The following DLGAP1 variants were observed in gnomAD, a reference collection of about 807,000 sequenced individuals.
The protein encoded by DLGAP1 is disks large-associated protein 1.
DLGAP1 carries 11 observed loss-of-function variants against 90.8 expected under a neutral mutation model. The ratio of observed to expected loss-of-function variants is 0.12; its 90% CI spans 0.08 to 0.20. The LOEUF is 0.20. Among genes scored for constraint, DLGAP1 ranks in the 10% least tolerant of loss-of-function variants. The pLI is 1.00. For missense variants in DLGAP1, 1,050 were observed against 1,333.8 expected (o/e 0.79, Z 3.31); for synonymous variants, 558 against 540.7 (o/e 1.03, Z -0.44).
At chr18:4,319,607 T>C (rs958674009) in intron 1 of DLGAP1, among the ~76,000 whole-genome samples, 2 of 152,116 alleles carry the variant, frequency 1.3e-5, no homozygotes, top group Non-Finnish European at 2.9e-5. Flanking sequence ...TTCATAAAAA[T>C]TGACAAGAAC....
In DLGAP1 at chr18:4,383,834, T is replaced by C. The variant is rs980895080; in HGVS notation, c.-267+71172A>G. Among the ~76,000 whole-genome samples, 3 of 152,136 alleles carry C rather than the reference T, an allele frequency of 2.0e-5. No homozygotes were observed. The highest frequency in any genetic ancestry group is 7.2e-5 in the African/African-American group (3 of 41,440). On this transcript the variant is annotated intron_variant, in intron 1 of 12. Transcript: ENST00000315677. This position sits in a 1 kb window ranked among gnomAD's most constrained non-coding sequence, Gnocchi z 4.0. ...CTACTGGCACATCTAATCCACAAGTTTGAGGATGAGATTAAGTGCAACCAT... is the reference window on the plus strand; with the variant it reads ...CTACTGGCACATCTAATCCACAAGTCTGAGGATGAGATTAAGTGCAACCAT...
At chr18:3,979,906 C>A (rs2073688372) in intron 3 of DLGAP1, among the ~76,000 whole-genome samples, 1 of 152,112 alleles carries the variant, frequency 6.6e-6, no homozygotes, top group Non-Finnish European at 1.5e-5. Context: ...GAAGCCGAGG[C>A]AGGTGGATCA....
intron 7 of DLGAP1, among the ~76,000 whole-genome samples, chr18:3,638,928 C>T (rs760822359): frequency 7.9e-5 from 12 of 152,156 alleles, no homozygotes; most frequent in Non-Finnish European, 1.2e-4. Flanking sequence ...AGGTTGCAAT[C>T]GTTGTATAAA....
chr18:3,597,527 G>A (rs12455524), intron 7 of DLGAP1: 27,960 of 310,440 alleles, frequency 0.09, 1,513 homozygotes, highest in East Asian at 0.15. Context: ...ATGAGAGTCC[G>A]GTCAGGCTGA....
intron 2 of DLGAP1, among the ~76,000 whole-genome samples, chr18:4,123,174 C>T (rs767291089): frequency 6.6e-6 from 1 of 152,070 alleles, no homozygotes; most frequent in Non-Finnish European, 1.5e-5. Context: ...GAGGGAAGCA[C>T]CAGCCTATGT....
At chr18:3,874,096 T>C in intron 4 of DLGAP1, 1 of 1,545,790 alleles carries the variant, frequency 6.5e-7, no homozygotes, top group East Asian at 2.4e-5. Flanking sequence ...ACAAAAACCA[T>C]CCAAATCAAC....
intron 1 of DLGAP1, among the ~76,000 whole-genome samples, chr18:4,237,922 A>G (rs2078453970): frequency 6.6e-6 from 1 of 152,226 alleles, no homozygotes; most frequent in Non-Finnish European, 1.5e-5. Context: ...CAAGTGAAAC[A>G]TTCCGTTAAA....
intron 1 of DLGAP1, among the ~76,000 whole-genome samples, chr18:4,212,405 C>T (rs540066911): frequency 3.3e-5 from 5 of 152,000 alleles, no homozygotes; most frequent in East Asian, 1.9e-4. Flanking sequence ...CTGGCTCACA[C>T]CTGTAATCTC....
At chr18:3,564,991 G>C (rs1460580088) in intron 9 of DLGAP1, among the ~76,000 whole-genome samples, 2 of 152,042 alleles carry the variant, frequency 1.3e-5, no homozygotes. Context: ...TTACATATAA[G>C]GAAACTAAGG....
intron 1 of DLGAP1, among the ~76,000 whole-genome samples, chr18:4,358,253 A>C (rs2081564030): frequency 6.6e-6 from 1 of 152,250 alleles, no homozygotes. Flanking sequence ...AGTTCAGTGA[A>C]TCTAATAAAA....
chr18:3,683,190 T>C (rs1407794482), intron 7 of DLGAP1, among the ~76,000 whole-genome samples: 1 of 152,006 alleles, frequency 6.6e-6, no homozygotes, highest in Non-Finnish European at 1.5e-5. Flanking sequence ...ATCCATTGAG[T>C]GGTATGTTTC....
intron 1 of DLGAP1, among the ~76,000 whole-genome samples, chr18:4,181,493 G>T (rs1397401277): frequency 6.6e-6 from 1 of 152,122 alleles, no homozygotes; most frequent in East Asian, 1.9e-4. Context: ...ACCCGTGATA[G>T]GAGTCAATAC....
intron 2 of DLGAP1, among the ~76,000 whole-genome samples, chr18:4,108,823 T>C (rs2075917763): frequency 6.6e-6 from 1 of 151,376 alleles, no homozygotes; most frequent in South Asian, 2.1e-4. Flanking sequence ...GCCTGGAATA[T>C]TTCCAGTAGA....
At chr18:4,214,657 T>A (rs1276794637) in intron 1 of DLGAP1, among the ~76,000 whole-genome samples, 1 of 152,174 alleles carries the variant, frequency 6.6e-6, no homozygotes, top group Non-Finnish European at 1.5e-5. Flanking sequence ...ATTAAAATAG[T>A]TCACCCTCCT....
intron 7 of DLGAP1, among the ~76,000 whole-genome samples, chr18:3,654,172 T>G (rs2059405348): frequency 6.6e-6 from 1 of 152,092 alleles, no homozygotes; most frequent in Admixed American, 6.6e-5. Context: ...GGGCCTGACT[T>G]CTGGTATCCG....
At chr18:3,769,857 A>G (rs28690451) in intron 5 of DLGAP1, among the ~76,000 whole-genome samples, 3,104 of 148,816 alleles carry the variant, frequency 0.021, 106 homozygotes, top group African/African-American at 0.069. Context: ...GTGGGGGGGG[A>G]AAACTGGGTA....
chr18:3,827,145 C>T (rs954355128), intron 4 of DLGAP1, among the ~76,000 whole-genome samples: 3 of 152,142 alleles, frequency 2.0e-5, no homozygotes, highest in African/African-American at 7.2e-5. Context: ...GGGTAGCTTA[C>T]TATCTAAGAC....
intron 8 of DLGAP1, among the ~76,000 whole-genome samples, chr18:3,575,209 T>C (rs2055051588): frequency 6.6e-6 from 1 of 152,222 alleles, no homozygotes; most frequent in Non-Finnish European, 1.5e-5. Flanking sequence ...CAGTTGGACT[T>C]ATTTCTTCAC....
chr18:3,523,911 A>G (rs1165360792), intron 10 of DLGAP1, among the ~76,000 whole-genome samples: 1 of 152,060 alleles, frequency 6.6e-6, no homozygotes, highest in East Asian at 1.9e-4. Flanking sequence ...AAACAAAAAC[A>G]AACAAACAAA....
Sources: gnomAD v4.1 joint callset for allele counts (sites outside exome capture counted in the v4.1 genomes callset) on GRCh38, gnomAD v4.1.1 for gene constraint, Gnocchi (gnomAD v3.1) non-coding constraint, MANE v1.5 for transcripts, NCBI Gene and HGNC (gene_info 2026-07-23, HGNC 2026-07-21) for gene names.